DIS3L2: variants seen among roughly 807,000 people sequenced by gnomAD.
The protein encoded by DIS3L2 is DIS3 like 3'-5' exoribonuclease 2.
A neutral mutation model predicts 97.5 loss-of-function variants in DIS3L2; 34 were observed. That is an observed-to-expected ratio of 0.35 (90% CI 0.27 to 0.46). The LOEUF is 0.46. Among genes scored for constraint, DIS3L2 ranks in the 20% least tolerant of loss-of-function variants. DIS3L2 has a pLI of 1.00. For missense variants in DIS3L2, 1,038 were observed against 1,146.0 expected (o/e 0.91, Z 1.36); for synonymous variants, 435 against 445.2 (o/e 0.98, Z 0.29).
chr2:232,043,878 T>A (rs1048189034), intron 5 of DIS3L2, among the ~76,000 whole-genome samples: 3 of 152,212 alleles, frequency 2.0e-5, no homozygotes, highest in Admixed American at 2.0e-4. Flanking sequence ...CAAATTCTCA[T>A]TTTTTATTAA....
intron 10 of DIS3L2, among the ~76,000 whole-genome samples, chr2:232,233,008 G>A (rs1219869320): frequency 2.0e-5 from 3 of 152,188 alleles, no homozygotes; most frequent in Admixed American, 6.5e-5. Flanking sequence ...AGGTGTTGGG[G>A]TGGGGAGGGC....
At chr2:232,329,785 T>TCCCCGGGGCCCCC in intron 14 of DIS3L2, 28 bp from the exon 15 acceptor site, 20 of 967,130 alleles carry the variant, frequency 2.1e-5, no homozygotes, top group East Asian at 3.1e-5. Context: ...ACCCCAGCGG[T>TCCCCGGGGCCCCC]CCCTCCCATC....
chr2:232,213,856 A>G (rs1692262298), intron 10 of DIS3L2, among the ~76,000 whole-genome samples: 2 of 152,070 alleles, frequency 1.3e-5, no homozygotes, highest in Admixed American at 1.3e-4. Flanking sequence ...CCAGTGATCA[A>G]TTCAGCAAAT....
At chr2:231,990,169 T>C (rs991281851) in intron 1 of DIS3L2, among the ~76,000 whole-genome samples, 7 of 149,412 alleles carry the variant, frequency 4.7e-5, no homozygotes, top group Non-Finnish European at 1.0e-4. Context: ...CATGCTTCTT[T>C]AGGTTTTGAT....
At position 231,989,783 on chromosome 2, in the gene DIS3L2, T is replaced by C. The variant is rs373373782; in HGVS notation, c.-93-25052T>C. Among the ~76,000 whole-genome samples the C allele has an allele frequency of 7.3e-4, 111 of 152,228 alleles. 1 individual carries two copies. The highest frequency in any genetic ancestry group is 4.6e-3 in the South Asian group (22 of 4,820). On this transcript the variant is annotated intron_variant, in intron 1 of 20. Transcript: ENST00000325385. ...CCGGGAGGTTGAGGCTACAGTGAGC[T>C]GTGATCGTACCACTGCACCCTAGCC...
At chr2:232,314,298 A>G (rs980919185) in intron 14 of DIS3L2, among the ~76,000 whole-genome samples, 3 of 152,332 alleles carry the variant, frequency 2.0e-5, no homozygotes, top group Admixed American at 6.5e-5. Flanking sequence ...GGTAGATCCT[A>G]TATTTTTAAG....
chr2:232,333,776 CAGCCTTCCAGGCCTGGCTGG>C, intron 16 of DIS3L2, 44 bp from the exon 17 acceptor site: 3 of 1,528,402 alleles, frequency 2.0e-6, no homozygotes, highest in African/African-American at 1.4e-5. Flanking sequence ...TGGGTGGTGC[CAGCCTTCCAGGCCTGGCTGG>C]GCAGCTCTGG....
At chr2:232,149,702 G>GTA (rs1429714789) in intron 8 of DIS3L2, among the ~76,000 whole-genome samples, 2 of 35,764 alleles carry the variant, frequency 5.6e-5, no homozygotes, top group Non-Finnish European at 8.8e-5. Context: ...AGTCCTTTGG[G>GTA]TATATACCCA....
intron 6 of DIS3L2, among the ~76,000 whole-genome samples, chr2:232,100,738 A>G (rs1353005564): frequency 6.6e-6 from 1 of 151,876 alleles, no homozygotes; most frequent in Admixed American, 6.6e-5. Context: ...TAGTTTATGG[A>G]TAGTTCCATT....
chr2:232,340,719 A>T (rs1050775988), downstream of DIS3L2: 5 of 470,046 alleles, frequency 1.1e-5, no homozygotes, highest in Non-Finnish European at 2.2e-5. Flanking sequence ...TCTCCATCCC[A>T]GCAGGAGACA....
At chr2:232,013,623 T>C (rs1694272940) in intron 1 of DIS3L2, among the ~76,000 whole-genome samples, 1 of 152,208 alleles carries the variant, frequency 6.6e-6, no homozygotes, top group Non-Finnish European at 1.5e-5. Context: ...TATCCACATT[T>C]TAAAAAAACA....
At chr2:232,061,303 CTGTT>C (rs1293930986) in intron 5 of DIS3L2, among the ~76,000 whole-genome samples, 3 of 152,156 alleles carry the variant, frequency 2.0e-5, no homozygotes, top group Non-Finnish European at 4.4e-5. Context: ...AAATAGCTTT[CTGTT>C]TGTTACCTGG....
At chr2:231,965,551 A>G (rs1692685364) in intron 1 of DIS3L2, among the ~76,000 whole-genome samples, 1 of 151,944 alleles carries the variant, frequency 6.6e-6, no homozygotes, top group Admixed American at 6.6e-5. Flanking sequence ...AAGTCCTCTT[A>G]AAAGATGTTT....
chr2:232,097,301 T>A (rs1173959185), intron 6 of DIS3L2, among the ~76,000 whole-genome samples: 2 of 152,150 alleles, frequency 1.3e-5, no homozygotes, highest in Non-Finnish European at 2.9e-5. Context: ...CACCTGGAGC[T>A]GGGAGTGGGC....
At chr2:232,194,761 T>C (rs943309485) in intron 9 of DIS3L2, among the ~76,000 whole-genome samples, 1 of 152,146 alleles carries the variant, frequency 6.6e-6, no homozygotes, top group African/African-American at 2.4e-5. Context: ...AGGACTGGGC[T>C]GTGGGAGTTG....
intron 14 of DIS3L2, among the ~76,000 whole-genome samples, chr2:232,318,547 G>A (rs185966059): frequency 9.8e-5 from 15 of 152,324 alleles, no homozygotes; most frequent in African/African-American, 3.6e-4. Context: ...GGTGACAAAG[G>A]CCAGGGGGGA....
At chr2:232,274,555 G>A (rs1694091541) in intron 13 of DIS3L2, among the ~76,000 whole-genome samples, 1 of 152,206 alleles carries the variant, frequency 6.6e-6, no homozygotes. Flanking sequence ...GGGCTCTGCT[G>A]CGAAGGCCAG....
At position 232,325,774 on chromosome 2, in the gene DIS3L2, C is replaced by T. The variant is rs1342849389; in HGVS notation, c.1740-4039C>T. 1.3e-5 allele frequency among the ~76,000 whole-genome samples: 2 copies of T among 152,232 alleles called. No individual in the cohort carries two copies. Among genetic ancestry groups the T allele is most frequent in the Non-Finnish European group, 2.9e-5 (2 of 68,036 alleles). ...CTCGGAAAGCAGTTGTCAGGCAGTCCCTGAGCTCCAGCGCCCCATCCCCCG... is the reference window on the plus strand; with the variant it reads ...CTCGGAAAGCAGTTGTCAGGCAGTCTCTGAGCTCCAGCGCCCCATCCCCCG... On this transcript the variant is annotated intron_variant, in intron 14 of 20. Coordinates refer to ENST00000325385, the MANE Select transcript of DIS3L2 (RefSeq NM_152383.5). The surrounding 1 kb of genome is among the most constrained non-coding windows in gnomAD (Gnocchi z 4.6).
rs530249361 is a variant in DIS3L2, at chr2:231,979,631, G to A, written c.-94+17866G>A. On this transcript the variant is annotated intron_variant, in intron 1 of 20. Coordinates refer to ENST00000325385, the MANE Select transcript of DIS3L2 (RefSeq NM_152383.5). ...ACTTGCCCTATTGCCAGGCTGGAGT[G>A]CAGTGGTGTGATCTCGGCTCACTGC... Among the ~76,000 whole-genome samples the A allele has an allele frequency of 2.0e-5, 3 of 152,224 alleles. No homozygotes were observed. In the East Asian group the frequency reaches 5.8e-4, roughly 29 times the overall value.
Sources: allele counts gnomAD v4.1 joint callset (sites outside exome capture counted in the v4.1 genomes callset), GRCh38; gene constraint gnomAD v4.1.1; non-coding constraint Gnocchi (gnomAD v3.1); transcripts MANE v1.5; gene names NCBI Gene and HGNC (gene_info 2026-07-23, HGNC 2026-07-21).